Variants in MYO6 observed in about 807,000 individuals in gnomAD.
MYO6 encodes the protein myosin VI.
MYO6 carries 74 observed loss-of-function variants against 178.7 expected under a neutral mutation model. The ratio of observed to expected loss-of-function variants is 0.41; its 90% CI spans 0.34 to 0.50. MYO6 has a LOEUF of 0.50. Among genes scored for constraint, MYO6 ranks in the 20% least tolerant of loss-of-function variants. MYO6 has a pLI of 0.09. For missense variants in MYO6, 1,330 were observed against 1,547.4 expected, an observed-to-expected ratio of 0.86 and a Z score of 2.36; for synonymous variants, 477 against 504.6, an observed-to-expected ratio of 0.95 and a Z score of 0.73.
In MYO6 at chr6:75,846,311, T is replaced by G. The variant is rs532394263; in HGVS notation, c.897+1334T>G. ...TATTAATTTTATTAAATATTTAAAT[T>G]GAGTAATCGAACAAGTTTTTATAAT... On this transcript the variant is annotated intron_variant, in intron 10 of 34. Transcript: ENST00000369977. 3.9e-5 allele frequency among the ~76,000 whole-genome samples: 6 copies of G among 152,120 alleles called. No homozygotes were observed. The South Asian group carries it at 1.2e-3, about 32-fold the overall frequency.
At chr6:75,901,971 T>C (rs1214849198) in intron 30 of MYO6, among the ~76,000 whole-genome samples, 1 of 152,246 alleles carries the variant, frequency 6.6e-6, no homozygotes, top group African/African-American at 2.4e-5. Context: ...TTTCTGCATC[T>C]ATTGAGATAA....
Position 75,779,056 on chromosome 6 carries a change from C to CA in MYO6, c.-48+29659dup, listed in dbSNP as rs142469441. Among the ~76,000 whole-genome samples the CA allele has an allele frequency of 4.1e-3, 265 of 64,488 alleles. 5 individuals carry two copies. The highest frequency in any genetic ancestry group is 6.1e-3 in the Admixed American group (28 of 4,578). 42.3% of individuals were successfully genotyped at this position (64,488 alleles called of 152,430 possible). ...TGGATGACAGAGTGAGACTTTGTCTCAAAAAAAAAAAAAAAAAAAAAAAAA... is the reference window on the plus strand; with the variant it reads ...TGGATGACAGAGTGAGACTTTGTCTCAAAAAAAAAAAAAAAAAAAAAAAAAA... On this transcript the variant is annotated intron_variant, in intron 1 of 34. Coordinates refer to ENST00000369977, the MANE Select transcript of MYO6 (RefSeq NM_004999.4).
intron 11 of MYO6, among the ~76,000 whole-genome samples, chr6:75,851,705 C>T (rs1325206816): frequency 6.6e-6 from 1 of 151,760 alleles, no homozygotes; most frequent in Non-Finnish European, 1.5e-5. Flanking sequence ...ATTAGCTGGG[C>T]ATGGTGGTGC....
In MYO6 at chr6:75,822,868, A is replaced by C. The variant is rs1202036778; in HGVS notation, c.187+17A>C. 2.5e-6 allele frequency: 4 copies of C among 1,583,654 alleles called. No individual in the cohort carries two copies. Among genetic ancestry groups the C allele is most frequent in the Non-Finnish European group, 3.5e-6 (4 of 1,152,734 alleles). ...AAGATAACTGTAAGTACCAAGTTAA[A>C]AATTAACTCTCCGCACAGAAAAGGA... is the stretch of plus-strand genomic sequence containing the variant. On this transcript the variant is annotated intron_variant, in intron 3 of 34. Coordinates refer to ENST00000369977, the MANE Select transcript of MYO6 (RefSeq NM_004999.4).
intron 2 of MYO6, among the ~76,000 whole-genome samples, chr6:75,819,281 TCCTC>T (rs1771620181): frequency 6.6e-6 from 1 of 152,206 alleles, no homozygotes; most frequent in Non-Finnish European, 1.5e-5. Context: ...ATCTTAATTT[TCCTC>T]CCTACTTTCT....
intron 2 of MYO6, among the ~76,000 whole-genome samples, chr6:75,817,871 A>G (rs1771446997): frequency 6.6e-6 from 1 of 152,204 alleles, no homozygotes; most frequent in African/African-American, 2.4e-5. Context: ...AATCAGATGG[A>G]AATTTAGTGA....
Position 75,856,501 on chromosome 6 carries a change from G to A in MYO6, c.1224-596G>A, listed in dbSNP as rs1490726515. Among the ~76,000 whole-genome samples, 9 of 133,910 alleles carry A rather than the reference G, an allele frequency of 6.7e-5. No individual in the cohort carries two copies. In the South Asian group the frequency reaches 2.1e-3, roughly 31 times the overall value. 87.9% of individuals were successfully genotyped at this position (133,910 alleles called of 152,430 possible). ...TTGACTTTCTTTTTTTTTTTTTTGTGCTCTCTTGGTACCCCATGCTTATCT... is the reference window on the plus strand; with the variant it reads ...TTGACTTTCTTTTTTTTTTTTTTGTACTCTCTTGGTACCCCATGCTTATCT... On this transcript the variant is annotated intron_variant, in intron 12 of 34. Coordinates refer to ENST00000369977, the MANE Select transcript of MYO6 (RefSeq NM_004999.4).
At chr6:75,766,096 G>A (rs943124764) in intron 1 of MYO6, among the ~76,000 whole-genome samples, 1 of 152,216 alleles carries the variant, frequency 6.6e-6, no homozygotes, top group South Asian at 2.1e-4. Flanking sequence ...GCCGAGGCGG[G>A]CAGATCACTT....
At chr6:75,759,261 G>A (rs1436135438) in intron 1 of MYO6, among the ~76,000 whole-genome samples, 3 of 152,106 alleles carry the variant, frequency 2.0e-5, no homozygotes, top group Non-Finnish European at 4.4e-5. Context: ...ATCAGACTTG[G>A]CATTGTTAGT....
At chr6:75,875,049 A>T (rs1275057809) in intron 20 of MYO6, among the ~76,000 whole-genome samples, 1 of 152,160 alleles carries the variant, frequency 6.6e-6, no homozygotes, top group Non-Finnish European at 1.5e-5. Context: ...ATTCCCCTGC[A>T]GGCTCATTTT....
intron 1 of MYO6, among the ~76,000 whole-genome samples, chr6:75,760,180 A>C (rs748812417): frequency 6.6e-6 from 1 of 152,158 alleles, no homozygotes; most frequent in Non-Finnish European, 1.5e-5. Flanking sequence ...GACACATTAA[A>C]TTTCTGTATA....
chr6:75,777,944 G>A (rs767568199), intron 1 of MYO6, among the ~76,000 whole-genome samples: 2 of 152,128 alleles, frequency 1.3e-5, no homozygotes, highest in East Asian at 1.9e-4. Flanking sequence ...TTCTGATTTA[G>A]AGAAATGGAT....
At chr6:75,858,073 T>A (rs894623952) in intron 13 of MYO6, among the ~76,000 whole-genome samples, 5 of 146,354 alleles carry the variant, frequency 3.4e-5, no homozygotes, top group Non-Finnish European at 6.2e-5. Context: ...ATTATTATTA[T>A]TAATTTTTTT....
intron 1 of MYO6, among the ~76,000 whole-genome samples, chr6:75,766,155 T>C (rs1778401123): frequency 6.6e-6 from 1 of 152,100 alleles, no homozygotes; most frequent in African/African-American, 2.4e-5. Context: ...AAACCCCGTC[T>C]CTACTAAGAA....
chr6:75,817,003 C>A (rs1354937368), intron 1 of MYO6, among the ~76,000 whole-genome samples: 1 of 152,116 alleles, frequency 6.6e-6, no homozygotes, highest in African/African-American at 2.4e-5. Flanking sequence ...TGCTTGGCCT[C>A]ATCTAAAAGT....
At chr6:75,778,317 G>A (rs1157813081) in intron 1 of MYO6, among the ~76,000 whole-genome samples, 1 of 152,078 alleles carries the variant, frequency 6.6e-6, no homozygotes, top group Non-Finnish European at 1.5e-5. Context: ...ATTTCTGGCC[G>A]GGCACAGTGG....
rs1777637421 is a variant in MYO6 at position 75,877,263 on chromosome 6, G to A, written c.2078-2557G>A. 2.0e-5 allele frequency among the ~76,000 whole-genome samples: 3 copies of A among 149,036 alleles called. No individual in the cohort carries two copies. In the South Asian group the frequency reaches 6.4e-4, roughly 32 times the overall value. On this transcript the variant is annotated intron_variant, in intron 20 of 34. Transcript: ENST00000369977. The stretch of plus-strand genomic sequence containing the variant: ...GCTGGGATTACAGGCATGAGCCACC[G>A]CGCCTCGTCTTTTTTTTTTTTGAGA...
chr6:75,768,522 A>G (rs1036889803), intron 1 of MYO6, among the ~76,000 whole-genome samples: 1 of 151,826 alleles, frequency 6.6e-6, no homozygotes, highest in Non-Finnish European at 1.5e-5. Context: ...CTGGGACTAC[A>G]GGCGCCTGCC....
chr6:75,817,831 C>T (rs1330926388), intron 2 of MYO6, among the ~76,000 whole-genome samples, 167 bp downstream of exon 2: 1 of 151,926 alleles, frequency 6.6e-6, no homozygotes, highest in African/African-American at 2.4e-5. Context: ...GAGGTATGTG[C>T]CCTAGGGAAA....
Sources: allele counts gnomAD v4.1 joint callset (sites outside exome capture counted in the v4.1 genomes callset), GRCh38; gene constraint gnomAD v4.1.1; transcripts MANE v1.5; gene names NCBI Gene and HGNC (gene_info 2026-07-23, HGNC 2026-07-21).